GYS1: variants seen among roughly 807,000 people sequenced by gnomAD.
GYS1 encodes glycogen [starch] synthase, muscle.
Under a neutral mutation model 89.1 loss-of-function variants are expected in GYS1, and 60 were observed. That is an observed-to-expected ratio of 0.67 (90% confidence interval 0.55 to 0.84). GYS1 has a LOEUF of 0.84. GYS1 is among the 40% of genes least tolerant of loss of function. GYS1 has a pLI of 0.00. For synonymous variants in GYS1, 366 were observed against 401.7 expected (o/e 0.91, Z 1.06); for missense variants, 888 against 1,003.1 (o/e 0.89, Z 1.55).
At chr19:48,975,312 G>A (rs144207776) in intron 10 of GYS1, among the ~76,000 whole-genome samples, 1 of 150,500 alleles carries the variant, frequency 6.6e-6, no homozygotes, top group Non-Finnish European at 1.5e-5. Context: ...GGGCTCAAGC[G>A]ATGCATCCGT....
chr19:48,981,369 C>T, intron 8 of GYS1, 161 bp downstream of exon 8: 3 of 646,184 alleles, frequency 4.6e-6, no homozygotes, highest in Non-Finnish European at 8.5e-6. Context: ...GCCAAGATCG[C>T]ACCACTACAC....
At chr19:48,985,238 T>G (rs998403257) in intron 5 of GYS1, among the ~76,000 whole-genome samples, 1 of 152,208 alleles carries the variant, frequency 6.6e-6, no homozygotes, top group Non-Finnish European at 1.5e-5. Flanking sequence ...GGATTCGCCA[T>G]GTTGCCCAGG....
At chr19:48,977,359 G>C (rs1221197383) in intron 10 of GYS1, among the ~76,000 whole-genome samples, 1 of 152,194 alleles carries the variant, frequency 6.6e-6, no homozygotes, top group Non-Finnish European at 1.5e-5. Context: ...TTGGGAGGCT[G>C]AGGCAGACAG....
intron 2 of GYS1, among the ~76,000 whole-genome samples, chr19:48,988,985 C>T (rs1318823804): frequency 2.0e-5 from 3 of 152,106 alleles, no homozygotes; most frequent in Non-Finnish European, 4.4e-5. Context: ...CTGTCACCTG[C>T]GACCTCTTTC....
chr19:48,974,185 C>A, intron 12 of GYS1, 28 bp downstream of exon 12: 1 of 1,572,952 alleles, frequency 6.4e-7, no homozygotes, highest in Non-Finnish European at 8.6e-7. Context: ...ATGCCATGAC[C>A]ACGCTGTCCC....
chr19:48,990,006 G>C (rs534456255), intron 2 of GYS1, among the ~76,000 whole-genome samples: 2 of 150,404 alleles, frequency 1.3e-5, no homozygotes, highest in Non-Finnish European at 3.0e-5. Context: ...GCTGGGGGGG[G>C]GGGGGGGCTA....
At position 48,970,703 on chromosome 19, in the gene GYS1, T is replaced by A; in HGVS notation, c.1652A>T (p.Tyr551Phe). The A allele has an allele frequency of 6.2e-7, 1 of 1,613,796 alleles. No individual in the cohort carries two copies. Among genetic ancestry groups the A allele is most frequent in the Non-Finnish European group, 8.5e-7 (1 of 1,179,884 alleles). ...HIADPSAYGI[Y>F]ILDRRFRSLD... Reference sequence around the variant, plus strand: ...GCTGCGGAACCGCCGGTCAAGAATGTAGATACCTGTGGAGGCCAGGACCCA... The same window carrying A: ...GCTGCGGAACCGCCGGTCAAGAATGAAGATACCTGTGGAGGCCAGGACCCA... Residue 551 changes from tyrosine (Y) to phenylalanine (F), a missense_variant, in exon 14 of 16, where the codon TAC (tyrosine) becomes TTC (phenylalanine). By Grantham distance (22) the Tyr-to-Phe change is conservative. Coordinates refer to ENST00000323798, the MANE Select transcript of GYS1 (RefSeq NM_002103.5).
rs1600143027 is a variant in GYS1 at position 48,981,586 on chromosome 19, C to T, written c.1113G>A (p.Arg371=). 6.2e-7 allele frequency: 1 copy of T among 1,613,888 alleles called. No individual in the cohort carries two copies. The highest frequency in any genetic ancestry group is 1.1e-5 in the South Asian group (1 of 91,066). The change falls in exon 8 of 16, where the codon CGG becomes CGA. Residue 371 remains arginine (R), a synonymous_variant. Coordinates refer to ENST00000323798, the MANE Select transcript of GYS1 (RefSeq NM_002103.5). ...TVVAFFIMPA[R]TNNFNVETLK... ...GGGTTTCCACGTTGAAATTGTTGGT[C>T]CGCGCTGGCATGATGAAGAAGGCAA...
At chr19:48,986,540 TGGCCCA>T (rs1033354391) in intron 3 of GYS1, among the ~76,000 whole-genome samples, 21 of 150,904 alleles carry the variant, frequency 1.4e-4, no homozygotes, top group African/African-American at 5.1e-4. Flanking sequence ...TCTCACTCTG[TGGCCCA>T]GGCTGGAGTG....
chr19:48,990,703 C>T (rs1046929153), intron 2 of GYS1, among the ~76,000 whole-genome samples: 1 of 152,232 alleles, frequency 6.6e-6, no homozygotes, highest in Non-Finnish European at 1.5e-5. Context: ...CAAGGACACA[C>T]AGGCAGCAAG....
chr19:48,986,491 T>C (rs1394529768), intron 3 of GYS1, among the ~76,000 whole-genome samples: 1 of 143,388 alleles, frequency 7.0e-6, no homozygotes, highest in East Asian at 2.0e-4. Context: ...TTAAGCTTCT[T>C]TTTTTTTTTT....
At chr19:48,980,345 T>A (rs1330414972) in intron 8 of GYS1, among the ~76,000 whole-genome samples, 1 of 152,182 alleles carries the variant, frequency 6.6e-6, no homozygotes, top group Admixed American at 6.5e-5. Flanking sequence ...CAGGATTTTC[T>A]AGAATACAAG....
At chr19:48,977,720 C>T (rs2038679736) in intron 10 of GYS1, among the ~76,000 whole-genome samples, 1 of 152,188 alleles carries the variant, frequency 6.6e-6, no homozygotes, top group Admixed American at 6.5e-5. Flanking sequence ...CAGAAAACAG[C>T]CCACCCTAAG....
chr19:48,968,659 T>C lies in GYS1; in HGVS notation c.*629A>G, dbSNP rs762238003. The C allele has an allele frequency of 6.6e-6, 3 of 454,008 alleles. No homozygotes were observed. The highest frequency in any genetic ancestry group is 3.1e-5 in the South Asian group (2 of 64,480). 28.1% of individuals were successfully genotyped at this position (454,008 alleles called of 1,614,324 possible). A position where few individuals can be genotyped will look rare whatever the true frequency, so the allele number is the denominator to read the frequency against. On this transcript the variant is annotated 3_prime_UTR_variant, in exon 16 of 16. Transcript: ENST00000323798. ...TACCACCTCTTGCTTGGCCAAAGTG[T>C]AGGGGATGACAGGAGCCGGATGGAG... is the stretch of plus-strand genomic sequence containing the variant.
chr19:48,992,407 G>GC (rs1321019011), intron 1 of GYS1, among the ~76,000 whole-genome samples: 4 of 152,014 alleles, frequency 2.6e-5, no homozygotes, highest in Admixed American at 6.6e-5. Flanking sequence ...ATTCCAGTAC[G>GC]CATGTGTCCC....
chr19:48,989,404 C>T (rs1051315866), intron 2 of GYS1, among the ~76,000 whole-genome samples: 28 of 150,310 alleles, frequency 1.9e-4, no homozygotes, highest in African/African-American at 6.4e-4. Context: ...ATTGCTTGAA[C>T]GCGGGAGGCG....
At position 48,969,559 on chromosome 19, in the gene GYS1, A is replaced by G; in HGVS notation, c.1943T>C (p.Leu648Pro). 6.5e-7 allele frequency: 1 copy of G among 1,539,528 alleles called. No homozygotes were observed. The highest frequency in any genetic ancestry group is 1.2e-5 in the South Asian group (1 of 84,068). ...CTGGTGCGGGCTGGAGTGTCGTGAC[A>G]GCGAGGGCGACGGTGGCACCGAGGC... ...RPASVPPSPS[L>P]SRHSSPHQSE... The change falls in exon 16 of 16, where the codon CTG becomes CCG. Residue 648 changes from leucine (L) to proline (P), a missense_variant. Transcript: ENST00000323798.
At chr19:48,979,745 C>G (rs559181059) in intron 8 of GYS1, among the ~76,000 whole-genome samples, 1 of 148,586 alleles carries the variant, frequency 6.7e-6, no homozygotes, top group Non-Finnish European at 1.5e-5. Context: ...CTCCCGGGTT[C>G]GAGCGATTCT....
rs767299721 is a variant in GYS1 at position 48,985,417 on chromosome 19, CTG to C, written c.823+42_823+43del. The C allele has an allele frequency of 6.9e-6, 11 of 1,601,454 alleles. No individual in the cohort carries two copies. In the African/African-American group the frequency reaches 1.5e-4, roughly 21 times the overall value. ...GAGCAACTGGCTTTGGCATAGACAG[CTG>C]CCTACCTCATTCACGTCTGGGGACT... On this transcript the variant is annotated intron_variant, in intron 5 of 15. Coordinates refer to ENST00000323798, the MANE Select transcript of GYS1 (RefSeq NM_002103.5).
Sources: gnomAD v4.1 joint callset for allele counts (sites outside exome capture counted in the v4.1 genomes callset) on GRCh38, gnomAD v4.1.1 for gene constraint, MANE v1.5 for transcripts, NCBI Gene and HGNC (gene_info 2026-07-23, HGNC 2026-07-21) for gene names.